Variants in COG6 observed in about 807,000 individuals in gnomAD.
COG6 encodes conserved oligomeric Golgi complex subunit 6.
COG6 carries 74 observed loss-of-function variants against 88.8 expected under a neutral mutation model. The ratio of observed to expected loss-of-function variants is 0.83; its 90% CI spans 0.69 to 1.01. The LOEUF (loss-of-function observed/expected upper bound fraction) is 1.01. COG6 is among the 50% of genes least tolerant of loss of function. COG6 has a pLI of 0.00. For missense variants in COG6, 800 were observed against 797.9 expected, an observed-to-expected ratio of 1.00 and a Z score of -0.03; for synonymous variants, 286 against 278.7, an observed-to-expected ratio of 1.03 and a Z score of -0.26.
intron 18 of COG6, among the ~76,000 whole-genome samples, chr13:39,777,209 A>G (rs1319297572): frequency 2.6e-5 from 4 of 152,162 alleles, no homozygotes; most frequent in Non-Finnish European, 5.9e-5. Flanking sequence ...ATTCAAATAG[A>G]TAGTGTCAAC....
downstream of COG6, among the ~76,000 whole-genome samples, chr13:39,755,399 C>T (rs1880800239): frequency 6.6e-6 from 1 of 151,974 alleles, no homozygotes; most frequent in Non-Finnish European, 1.5e-5. Flanking sequence ...AAAAACCGGC[C>T]TTTATCTTGC....
intron 18 of COG6, chr13:39,785,334 G>A (rs1881740369): frequency 6.6e-6 from 1 of 152,184 alleles, no homozygotes; most frequent in African/African-American, 2.4e-5. Context: ...TGGATTTCTT[G>A]TTATCTGGCC....
intron 5 of COG6, among the ~76,000 whole-genome samples, chr13:39,678,574 T>C (rs567307865): frequency 6.6e-6 from 1 of 152,340 alleles, no homozygotes; most frequent in East Asian, 1.9e-4. Flanking sequence ...TTCGTTTCTT[T>C]TTTTTTCCTT....
chr13:39,657,728 A>C (rs1475879006), intron 1 of COG6, among the ~76,000 whole-genome samples: 4 of 152,196 alleles, frequency 2.6e-5, no homozygotes, highest in African/African-American at 9.7e-5. Flanking sequence ...TATCTGCAGA[A>C]TTTAGTGTAC....
chr13:39,777,110 C>T (rs948130926), intron 18 of COG6, among the ~76,000 whole-genome samples: 5 of 152,136 alleles, frequency 3.3e-5, no homozygotes, highest in Admixed American at 6.5e-5. Flanking sequence ...TTATTAAGCA[C>T]CTTCTTTTTG....
chr13:39,761,582 T>A (rs559107846), intron 18 of COG6, among the ~76,000 whole-genome samples: 1 of 151,864 alleles, frequency 6.6e-6, no homozygotes, highest in South Asian at 2.1e-4. Flanking sequence ...AAATAATCAA[T>A]AGAGTGAAGA....
Position 39,788,694 on chromosome 13 carries a change from ATTG to A in COG6, c.*344_*346del, listed in dbSNP as rs1458067955. On this transcript the variant is annotated 3_prime_UTR_variant, in exon 19 of 19. Transcript: ENST00000416691. ...ACCAATTGTGTTGGCTATTATCACT[ATTG>A]TTGTTCTTATCTCAAATATGTGTTA... 15 of 250,588 alleles carry A rather than the reference ATTG, an allele frequency of 6.0e-5. No individual in the cohort carries two copies. The East Asian group carries it at 1.1e-3, about 19-fold the overall frequency. The allele number at this position is 250,588 out of a possible 1,614,324, so 15.5% of individuals were successfully genotyped here. A position where few individuals can be genotyped will look rare whatever the true frequency, so the allele number is the denominator to read the frequency against.
intron 18 of COG6, among the ~76,000 whole-genome samples, chr13:39,730,024 A>C (rs1042865055): frequency 6.6e-6 from 1 of 152,206 alleles, no homozygotes; most frequent in East Asian, 1.9e-4. Context: ...TATTGAAGAC[A>C]ATATTTTAGT....
intron 1 of COG6, 176 bp downstream of exon 1, chr13:39,656,055 G>C (rs1250769089): frequency 1.2e-6 from 1 of 811,330 alleles, no homozygotes; most frequent in Non-Finnish European, 2.1e-6. Context: ...GTGAGAAGGG[G>C]GAGCCCCAGC....
At chr13:39,726,353 G>A (rs1879134936) in intron 17 of COG6, among the ~76,000 whole-genome samples, 1 of 151,888 alleles carries the variant, frequency 6.6e-6, no homozygotes, top group Non-Finnish European at 1.5e-5. Flanking sequence ...GATCTAGTAA[G>A]GGATGCAGCT....
At chr13:39,762,569 C>T (rs1260230266) in intron 18 of COG6, among the ~76,000 whole-genome samples, 2 of 151,632 alleles carry the variant, frequency 1.3e-5, no homozygotes, top group African/African-American at 4.8e-5. Flanking sequence ...ATGCTGATTA[C>T]CCTGTTAGAT....
intron 1 of COG6, among the ~76,000 whole-genome samples, chr13:39,657,916 A>T (rs1423879644): frequency 6.6e-6 from 1 of 152,078 alleles, no homozygotes; most frequent in Non-Finnish European, 1.5e-5. Flanking sequence ...TCTATACTAT[A>T]CCTCCAATTG....
At position 39,687,745 on chromosome 13, in the gene COG6, A is replaced by G. The variant is rs1263293428; in HGVS notation, c.955A>G (p.Thr319Ala). The change falls in exon 10 of 19, where the codon ACT becomes GCT. Residue 319 changes from threonine (T) to alanine (A), a missense_variant. Coordinates refer to ENST00000455146, the MANE Select transcript of COG6 (RefSeq NM_020751.3). ...TATGTTGGCTTGGCTCCATCAAGCT[A>G]CTGCTTCTGAAAAGGAACACCTTGA... ...GDMLAWLHQA[T>A]ASEKEHLEAL... The G allele has an allele frequency of 1.9e-6, 3 of 1,613,988 alleles. No homozygotes were observed. The highest frequency in any genetic ancestry group is 1.7e-5 in the Admixed American group (1 of 60,008).
chr13:39,766,445 C>G (rs1275458034), intron 18 of COG6, among the ~76,000 whole-genome samples: 2 of 152,098 alleles, frequency 1.3e-5, no homozygotes, highest in African/African-American at 4.8e-5. Context: ...CCAAAAAAAC[C>G]TGGGGGAACA....
intron 13 of COG6, among the ~76,000 whole-genome samples, chr13:39,711,342 T>A (rs1051477455): frequency 3.9e-5 from 6 of 152,178 alleles, no homozygotes; most frequent in African/African-American, 1.2e-4. Flanking sequence ...TATCATAGAT[T>A]CCCTACAGAA....
intron 5 of COG6, chr13:39,678,049 T>A (rs376846418): frequency 2.2e-6 from 1 of 450,244 alleles, no homozygotes. Context: ...ATAGTACAGT[T>A]AGACCACATT....
At chr13:39,749,965 G>T (rs1448330278) in intron 18 of COG6, among the ~76,000 whole-genome samples, 1 of 152,118 alleles carries the variant, frequency 6.6e-6, no homozygotes, top group Non-Finnish European at 1.5e-5. Context: ...TGAAGAGACT[G>T]AAAGAGGGAA....
chr13:39,768,600 C>T (rs1398249851), intron 18 of COG6, among the ~76,000 whole-genome samples: 1 of 152,084 alleles, frequency 6.6e-6, no homozygotes, highest in Non-Finnish European at 1.5e-5. Context: ...CTCTAGGTTC[C>T]TGGGGGTGGG....
chr13:39,778,081 CCTGT>C (rs1351044845), intron 18 of COG6, among the ~76,000 whole-genome samples: 5 of 152,158 alleles, frequency 3.3e-5, no homozygotes, highest in Admixed American at 2.6e-4. Flanking sequence ...CAGAAGTTAT[CCTGT>C]CTAAGAGATG....
Sources: gnomAD v4.1 joint callset for allele counts (sites outside exome capture counted in the v4.1 genomes callset) on GRCh38, gnomAD v4.1.1 for gene constraint, MANE v1.5 for transcripts, NCBI Gene and HGNC (gene_info 2026-07-23, HGNC 2026-07-21) for gene names.